The following MYCBP2 variants were observed in gnomAD, a reference collection of about 807,000 sequenced individuals.
MYCBP2 encodes E3 ubiquitin-protein ligase MYCBP2.
Under a neutral mutation model 525.3 loss-of-function variants are expected in MYCBP2, and 120 were observed. That is an observed-to-expected ratio of 0.23 (90% confidence interval 0.20 to 0.27). The LOEUF is 0.27. Ranked by LOEUF, MYCBP2 falls within the 10% of genes least tolerant of loss-of-function variation. MYCBP2 has a pLI of 1.00. For missense variants in MYCBP2, 4,149 were observed against 5,657.1 expected (o/e 0.73, Z 8.55); for synonymous variants, 1,894 against 1,955.8 (o/e 0.97, Z 0.83).
At position 77,211,153 on chromosome 13, in the gene MYCBP2, A is replaced by G; in HGVS notation, c.3416+14T>C. The G allele has an allele frequency of 7.0e-7, 1 of 1,421,314 alleles. No individual in the cohort carries two copies. The highest frequency in any genetic ancestry group is 9.2e-7 in the Non-Finnish European group (1 of 1,081,660). The allele number at this position is 1,421,314 out of a possible 1,614,324, so 88.0% of individuals were successfully genotyped here. A position where few individuals can be genotyped will look rare whatever the true frequency, so the allele number is the denominator to read the frequency against. ...TCAAAACTTATTGACTATTTTATAAACTGAGATGCTTACCTCCAAATTACA... is the reference window on the plus strand; with the variant it reads ...TCAAAACTTATTGACTATTTTATAAGCTGAGATGCTTACCTCCAAATTACA... On this transcript the variant is annotated intron_variant, in intron 23 of 82. Coordinates refer to ENST00000544440, the MANE Select transcript of MYCBP2 (RefSeq NM_015057.5).
chr13:77,269,212 A>G (rs1416975319), intron 7 of MYCBP2, among the ~76,000 whole-genome samples: 1 of 152,204 alleles, frequency 6.6e-6, no homozygotes, highest in Non-Finnish European at 1.5e-5. Context: ...CATATTCTTC[A>G]TGCAGGTAGC....
chr13:77,249,415 T>G (rs1469928642), intron 15 of MYCBP2, among the ~76,000 whole-genome samples: 1 of 152,212 alleles, frequency 6.6e-6, no homozygotes, highest in Non-Finnish European at 1.5e-5. Context: ...CATGTAAGTC[T>G]ATGAATAATT....
intron 2 of MYCBP2, among the ~76,000 whole-genome samples, chr13:77,295,069 C>G (rs2078026020): frequency 6.6e-6 from 1 of 152,190 alleles, no homozygotes; most frequent in South Asian, 2.1e-4. Flanking sequence ...GCCTCAGTCA[C>G]AGGTAATAAG....
chr13:77,211,362 C>A, intron 22 of MYCBP2, 42 bp from the exon 23 acceptor site: 3 of 1,045,166 alleles, frequency 2.9e-6, no homozygotes, highest in Non-Finnish European at 3.7e-6. Flanking sequence ...ATATATATTA[C>A]CCTTTTAAAT....
Position 77,067,330 on chromosome 13 carries a change from AG to A in MYCBP2, c.12455+250del, listed in dbSNP as rs556880007. ...TTTAATTTTGTATATGGTGAGAGGT[AG>A]GTATCTAGAATTTTTTTTAACATGG... is the stretch of plus-strand genomic sequence containing the variant. On this transcript the variant is annotated intron_variant, in intron 71 of 82. Transcript: ENST00000544440. Among the ~76,000 whole-genome samples the A allele has an allele frequency of 7.9e-5, 12 of 152,332 alleles. No individual in the cohort carries two copies. In the South Asian group the frequency reaches 2.5e-3, roughly 32 times the overall value.
chr13:77,159,429 T>G (rs760068628), intron 44 of MYCBP2, among the ~76,000 whole-genome samples: 6 of 152,170 alleles, frequency 3.9e-5, no homozygotes, highest in Non-Finnish European at 5.9e-5. Context: ...TCTCCATATC[T>G]GGTCTAGATG....
chr13:77,150,267 A>G (rs2056265569), intron 47 of MYCBP2, among the ~76,000 whole-genome samples: 1 of 152,238 alleles, frequency 6.6e-6, no homozygotes, highest in Admixed American at 6.5e-5. Flanking sequence ...TCTAGCAAGA[A>G]TAGTAAACTG....
At chr13:77,087,849 T>C in intron 61 of MYCBP2, 1 of 395,844 alleles carries the variant, frequency 2.5e-6, no homozygotes, top group South Asian at 4.8e-5. Context: ...GGTGTGATCA[T>C]GGCTCACTGC....
At chr13:77,114,954 T>C (rs891624611) in intron 55 of MYCBP2, among the ~76,000 whole-genome samples, 1 of 151,974 alleles carries the variant, frequency 6.6e-6, no homozygotes, top group East Asian at 1.9e-4. Flanking sequence ...AGTTTTTCAG[T>C]TGGATAATCT....
intron 8 of MYCBP2, among the ~76,000 whole-genome samples, chr13:77,265,055 A>T (rs1269833453): frequency 6.6e-6 from 1 of 152,140 alleles, no homozygotes; most frequent in African/African-American, 2.4e-5. Context: ...ATTATTCTTT[A>T]TCTTTGCCCA....
intron 79 of MYCBP2, 114 bp downstream of exon 79, chr13:77,056,872 A>G (rs1001265403): frequency 1.1e-5 from 8 of 718,636 alleles, no homozygotes. Flanking sequence ...GAAGGGAAGA[A>G]ACTGCTAGGG....
intron 10 of MYCBP2, among the ~76,000 whole-genome samples, 180 bp from the exon 11 acceptor site, chr13:77,262,309 A>G (rs1274500473): frequency 6.6e-6 from 1 of 152,120 alleles, no homozygotes; most frequent in Non-Finnish European, 1.5e-5. Flanking sequence ...CCAAGGAAAG[A>G]TAAAGTTATC....
intron 26 of MYCBP2, among the ~76,000 whole-genome samples, chr13:77,205,048 TA>T (rs2063160608): frequency 1.3e-5 from 2 of 152,004 alleles, no homozygotes; most frequent in Admixed American, 1.3e-4. Flanking sequence ...TAAAGTATAA[TA>T]ATAATAAATA....
chr13:77,049,556 G>T (rs1225486733), intron 82 of MYCBP2, among the ~76,000 whole-genome samples: 1 of 151,722 alleles, frequency 6.6e-6, no homozygotes, highest in Non-Finnish European at 1.5e-5. Context: ...CTTTCCAGGG[G>T]TTTCTTTATG....
intron 20 of MYCBP2, among the ~76,000 whole-genome samples, chr13:77,221,655 T>C (rs1469103179): frequency 6.6e-6 from 1 of 152,142 alleles, no homozygotes; most frequent in Non-Finnish European, 1.5e-5. Context: ...CCTTTCCCAG[T>C]TTCTATGGCT....
chr13:77,258,701 G>A (rs1358553404), intron 13 of MYCBP2, among the ~76,000 whole-genome samples: 2 of 151,890 alleles, frequency 1.3e-5, no homozygotes, highest in African/African-American at 4.8e-5. Context: ...TTTGAAAAAG[G>A]TAAGGGTGTG....
chr13:77,090,918 GC>G (rs2045291204), intron 59 of MYCBP2, among the ~76,000 whole-genome samples: 1 of 152,122 alleles, frequency 6.6e-6, no homozygotes, highest in East Asian at 1.9e-4. Context: ...TATTAAGAGA[GC>G]TATACAATTT....
chr13:77,072,993 A>T (rs1201154010), intron 68 of MYCBP2, among the ~76,000 whole-genome samples: 1 of 151,644 alleles, frequency 6.6e-6, no homozygotes, highest in Non-Finnish European at 1.5e-5. Flanking sequence ...AAACATCTTT[A>T]TTGAGATATA....
intron 34 of MYCBP2, among the ~76,000 whole-genome samples, chr13:77,178,304 A>G (rs1394899605): frequency 1.3e-5 from 2 of 152,248 alleles, no homozygotes; most frequent in African/African-American, 4.8e-5. Flanking sequence ...TCTATAGATC[A>G]ACAGTTTTCA....
Sources: gnomAD v4.1 joint callset for allele counts (sites outside exome capture counted in the v4.1 genomes callset) on GRCh38, gnomAD v4.1.1 for gene constraint, MANE v1.5 for transcripts, NCBI Gene and HGNC (gene_info 2026-07-23, HGNC 2026-07-21) for gene names.